The following GAB1 variants were observed in gnomAD, a reference collection of about 807,000 sequenced individuals.
GAB1 encodes GRB2 associated binding protein 1, also known as GRB2-associated-binding protein 1.
GAB1 carries 19 observed loss-of-function variants against 66.5 expected under a neutral mutation model. The observed-to-expected ratio is 0.29, with a 90% CI of 0.20 to 0.42. The LOEUF (loss-of-function observed/expected upper bound fraction) is 0.42, where lower values mean the gene tolerates loss of function less well. Ranked by LOEUF, GAB1 falls within the 10% of genes least tolerant of loss-of-function variation. The pLI is 1.00. For synonymous variants in GAB1, 294 were observed against 301.4 expected, an observed-to-expected ratio of 0.98 and a Z score of 0.25; for missense variants, 732 against 858.5, an observed-to-expected ratio of 0.85 and a Z score of 1.84.
intron 9 of GAB1, among the ~76,000 whole-genome samples, chr4:143,467,417 T>A (rs1735850638): frequency 6.6e-6 from 1 of 152,340 alleles, no homozygotes; most frequent in East Asian, 1.9e-4. Flanking sequence ...TCATATTTTT[T>A]ATCAATTCTG....
At chr4:143,412,841 G>A (rs946621692) in intron 1 of GAB1, among the ~76,000 whole-genome samples, 3 of 152,036 alleles carry the variant, frequency 2.0e-5, no homozygotes, top group East Asian at 1.9e-4. Context: ...GACAGTTGAT[G>A]GAAATTGAGA....
At chr4:143,459,514 A>G (rs1227606147) in intron 7 of GAB1, 36 bp downstream of exon 7, 4 of 1,056,624 alleles carry the variant, frequency 3.8e-6, no homozygotes, top group Middle Eastern at 2.0e-4. Context: ...GTTTGTATGA[A>G]TAATGTGACT....
chr4:143,393,225 TTTTTTAAAAAAAAAA>T (rs1389444256), intron 1 of GAB1, among the ~76,000 whole-genome samples: 9 of 150,690 alleles, frequency 6.0e-5, no homozygotes, highest in Non-Finnish European at 1.2e-4. Context: ...AAAGGTTTTT[TTTTTTAAAAAAAAAA>T]AAAGAAAAAA....
intron 1 of GAB1, among the ~76,000 whole-genome samples, chr4:143,356,575 A>C (rs1172833237): frequency 1.3e-5 from 2 of 152,150 alleles, no homozygotes; most frequent in Non-Finnish European, 2.9e-5. Context: ...CCTTCTCCCT[A>C]ACTGCTTATT....
At position 143,453,065 on chromosome 4, in the gene GAB1, G is replaced by A. The variant is rs17017801; in HGVS notation, c.1586-6320G>A. On this transcript the variant is annotated intron_variant, in intron 6 of 9. Coordinates refer to ENST00000262994, the MANE Select transcript of GAB1 (RefSeq NM_002039.4). ...TGGACTTTTTTTCTCGTTTCTTTCC[G>A]CTTAAGTAATATAGGGCTATTCTTT... 5.1e-3 allele frequency among the ~76,000 whole-genome samples: 773 copies of A among 151,968 alleles called. 1 individual carries two copies. The highest frequency in any genetic ancestry group is 8.5e-3 in the Non-Finnish European group (577 of 67,970).
At chr4:143,360,922 CAA>C (rs1445129416) in intron 1 of GAB1, among the ~76,000 whole-genome samples, 3 of 152,094 alleles carry the variant, frequency 2.0e-5, no homozygotes, top group Non-Finnish European at 4.4e-5. Flanking sequence ...TAATTAAAAA[CAA>C]AGTGTGAGTG....
intron 1 of GAB1, among the ~76,000 whole-genome samples, chr4:143,379,363 T>G (rs959934884): frequency 4.6e-5 from 7 of 152,164 alleles, no homozygotes; most frequent in African/African-American, 1.7e-4. Flanking sequence ...GATTTGCAAG[T>G]GTCTCCTGCC....
chr4:143,354,441 A>G (rs1034967600), intron 1 of GAB1, among the ~76,000 whole-genome samples: 8 of 152,208 alleles, frequency 5.3e-5, no homozygotes, highest in Non-Finnish European at 1.0e-4. Flanking sequence ...TCCAAATGCA[A>G]CATTGAGAAA....
chr4:143,417,398 T>TTAC (rs1362727893), intron 2 of GAB1: 2 of 417,018 alleles, frequency 4.8e-6, no homozygotes, highest in Non-Finnish European at 9.6e-6. Context: ...GGGTACTTTT[T>TTAC]TATTATTATT....
intron 6 of GAB1, 116 bp downstream of exon 6, chr4:143,440,498 C>G: frequency 1.0e-6 from 1 of 972,140 alleles, no homozygotes. Context: ...TTTCATAGTT[C>G]CATAGCCATC....
chr4:143,364,726 T>C (rs1213119669), intron 1 of GAB1, among the ~76,000 whole-genome samples: 1 of 152,014 alleles, frequency 6.6e-6, no homozygotes, highest in Non-Finnish European at 1.5e-5. Context: ...TTCTCTTCAC[T>C]CCTACAGCCC....
At chr4:143,417,438 C>G (rs544554021) in intron 2 of GAB1, 1 of 431,994 alleles carries the variant, frequency 2.3e-6, no homozygotes, top group South Asian at 1.7e-5. Context: ...GATAGGATCT[C>G]ACTTTGTCGT....
intron 2 of GAB1, among the ~76,000 whole-genome samples, chr4:143,428,837 A>G (rs6815420): frequency 0.13 from 15,980 of 119,960 alleles, 2,288 homozygotes; most frequent in African/African-American, 0.38. Flanking sequence ...ATCACTCACC[A>G]GGGCCTGTTG....
chr4:143,407,474 G>C (rs914085311), intron 1 of GAB1, among the ~76,000 whole-genome samples: 4 of 151,890 alleles, frequency 2.6e-5, no homozygotes, highest in African/African-American at 9.7e-5. Flanking sequence ...CAACTAATTT[G>C]TTGTATCCAG....
intron 1 of GAB1, among the ~76,000 whole-genome samples, chr4:143,356,609 ACAGT>A (rs1303876460): frequency 2.0e-5 from 3 of 152,178 alleles, no homozygotes; most frequent in African/African-American, 7.2e-5. Flanking sequence ...TGCTCAGCCA[ACAGT>A]CAGTAATCTC....
intron 1 of GAB1, among the ~76,000 whole-genome samples, chr4:143,403,381 A>G (rs11941806): frequency 0.03 from 4,577 of 152,318 alleles, 238 homozygotes; most frequent in African/African-American, 0.11. Context: ...ACCGAAGGTT[A>G]TGAGGCTTGG....
intron 6 of GAB1, among the ~76,000 whole-genome samples, chr4:143,453,371 C>A (rs1274288542): frequency 1.3e-5 from 2 of 151,882 alleles, no homozygotes; most frequent in African/African-American, 4.8e-5. Flanking sequence ...TTAGTACCCA[C>A]CCCAGAAAAA....
At chr4:143,377,960 T>A (rs534971683) in intron 1 of GAB1, among the ~76,000 whole-genome samples, 1 of 152,310 alleles carries the variant, frequency 6.6e-6, no homozygotes, top group South Asian at 2.1e-4. Flanking sequence ...GAACAGAACG[T>A]CCCATAGAAA....
At chr4:143,452,159 G>A (rs1190727010) in intron 6 of GAB1, among the ~76,000 whole-genome samples, 2 of 152,104 alleles carry the variant, frequency 1.3e-5, no homozygotes, top group Non-Finnish European at 2.9e-5. Context: ...GCCCAGGATG[G>A]TCTCAAACTC....
Sources: gnomAD v4.1 joint callset for allele counts (sites outside exome capture counted in the v4.1 genomes callset) on GRCh38, gnomAD v4.1.1 for gene constraint, MANE v1.5 for transcripts, NCBI Gene and HGNC (gene_info 2026-07-23, HGNC 2026-07-21) for gene names.